The following FATE1 variants were observed in gnomAD, a reference collection of about 807,000 sequenced individuals.
The protein encoded by FATE1 is fetal and adult testis-expressed transcript protein.
Under a neutral mutation model 16.0 loss-of-function variants are expected in FATE1, and 18 were observed. The observed-to-expected ratio is 1.12, with a 90% CI of 0.78 to 1.66. The LOEUF is 1.66. Among genes scored for constraint, FATE1 ranks in the 40% most tolerant of loss-of-function variants. The probability of loss-of-function intolerance (pLI) is 0.00; values close to 1 mark genes in which losing one functional copy is unlikely to be tolerated. For missense variants in FATE1, 169 were observed against 152.7 expected (o/e 1.11, Z -0.56); for synonymous variants, 76 against 56.9 (o/e 1.34, Z -1.51).
chrX:151,722,874 G>A lies in FATE1; in HGVS notation c.*115G>A, dbSNP rs1336370246. On this transcript the variant is annotated 3_prime_UTR_variant, in exon 5 of 5. Coordinates refer to ENST00000370350, the MANE Select transcript of FATE1 (RefSeq NM_033085.3). Reference sequence around the variant, plus strand: ...TCATCTCCCAGCAGCCCTCAGGAGCGTCAGGATCATTTTCAACTCTGGTTA... The same window carrying A: ...TCATCTCCCAGCAGCCCTCAGGAGCATCAGGATCATTTTCAACTCTGGTTA... 7 of 984,271 alleles carry A rather than the reference G, an allele frequency of 7.1e-6. No individual in the cohort carries two copies. In the South Asian group the frequency reaches 1.2e-4, roughly 17 times the overall value. The allele number at this position is 984,271 out of a possible 1,213,427, so 81.1% of individuals were successfully genotyped here.
At chrX:151,716,831 C>T (rs1380542449) in intron 1 of FATE1, among the ~76,000 whole-genome samples, 2 of 111,329 alleles carry the variant, frequency 1.8e-5, no homozygotes. Flanking sequence ...CTTCAGGTCC[C>T]CACCTCAATT....
chrX:151,722,605 C>T (rs1170040471), intron 4 of FATE1, 23 bp from the exon 5 acceptor site: 3 of 1,212,017 alleles, frequency 2.5e-6, no homozygotes, highest in South Asian at 1.8e-5. Flanking sequence ...CGCTCAGCAG[C>T]CCTGCCTTTG....
rs969226774 is a variant in FATE1, at chrX:151,722,609, G to A, written c.421-19G>A. On this transcript the variant is annotated intron_variant, in intron 4 of 4. Coordinates refer to ENST00000370350, the MANE Select transcript of FATE1 (RefSeq NM_033085.3). ...GAGAAGAGCCTCGCTCAGCAGCCCT[G>A]CCTTTGACTCCTCTGCAGCTGTATG... is the stretch of plus-strand genomic sequence containing the variant. The A allele has an allele frequency of 3.3e-6, 4 of 1,212,021 alleles. No homozygotes were observed. The highest frequency in any genetic ancestry group is 4.5e-6 in the Non-Finnish European group (4 of 895,452).
chrX:151,719,352 A>T (rs755514633), intron 2 of FATE1, among the ~76,000 whole-genome samples: 2 of 112,302 alleles, frequency 1.8e-5, no homozygotes, highest in East Asian at 5.6e-4. Context: ...AATTACATGG[A>T]AATTAAAATA....
chrX:151,723,052 C>T lies in FATE1; in HGVS notation c.*293C>T. The T allele has an allele frequency of 3.5e-6, 1 of 286,316 alleles. No individual in the cohort carries two copies. The highest frequency in any genetic ancestry group is 6.1e-6 in the Non-Finnish European group (1 of 162,691). 23.6% of individuals were successfully genotyped at this position (286,316 alleles called of 1,213,427 possible). A position where few individuals can be genotyped will look rare whatever the true frequency, so the allele number is the denominator to read the frequency against. On this transcript the variant is annotated 3_prime_UTR_variant, in exon 5 of 5. Transcript: ENST00000370350. ...ACAGTAACACCTAGTGGCAACCTTG[C>T]CTTCCTGACCTCAGCGGCCCTTCTG...
At position 151,722,957 on chromosome X, in the gene FATE1, C is replaced by T; in HGVS notation, c.*198C>T. 1 of 475,563 alleles carries T rather than the reference C, an allele frequency of 2.1e-6. No individual in the cohort carries two copies. The allele number at this position is 475,563 out of a possible 1,213,427, so 39.2% of individuals were successfully genotyped here. A position where few individuals can be genotyped will look rare whatever the true frequency, so the allele number is the denominator to read the frequency against. Reference sequence around the variant, plus strand: ...CTGGGAGGTCCTGGCTGCTGCGAAGCTGGAGGAGGACTGCGTGGGCTGAGA... The same window carrying T: ...CTGGGAGGTCCTGGCTGCTGCGAAGTTGGAGGAGGACTGCGTGGGCTGAGA... On this transcript the variant is annotated 3_prime_UTR_variant, in exon 5 of 5. Coordinates refer to ENST00000370350, the MANE Select transcript of FATE1 (RefSeq NM_033085.3).
intron 2 of FATE1, 151 bp from the exon 3 acceptor site, chrX:151,721,244 C>G: frequency 2.0e-6 from 1 of 494,839 alleles, no homozygotes; most frequent in South Asian, 3.2e-5. Flanking sequence ...GGTTCCCAAG[C>G]TTTCCTAGCG....
intron 1 of FATE1, 152 bp downstream of exon 1, chrX:151,716,377 G>A: frequency 4.4e-6 from 2 of 455,224 alleles, no homozygotes; most frequent in Non-Finnish European, 7.3e-6. Flanking sequence ...GTGGGTTGAT[G>A]TAAGGGAGCT....
chrX:151,718,128 G>GGAAA (rs2015079275), intron 2 of FATE1, among the ~76,000 whole-genome samples: 1 of 69,662 alleles, frequency 1.4e-5, no homozygotes, highest in Non-Finnish European at 2.9e-5. Flanking sequence ...AAGGAAGGAA[G>GGAAA]GAAGGAAGGA....
chrX:151,720,814 C>G (rs2015108954), intron 2 of FATE1, among the ~76,000 whole-genome samples: 1 of 112,234 alleles, frequency 8.9e-6, no homozygotes, highest in South Asian at 3.8e-4. Flanking sequence ...CTCTATCCCC[C>G]ACTGATGCTT....
chrX:151,717,881 T>C (rs1368162276), intron 2 of FATE1, among the ~76,000 whole-genome samples: 2 of 108,890 alleles, frequency 1.8e-5, no homozygotes, highest in African/African-American at 3.4e-5. Context: ...AGGCCAGGAG[T>C]TCGAGAACAG....
At position 151,717,375 on chromosome X, in the gene FATE1, G is replaced by A; in HGVS notation, c.210G>A (p.Met70Ile). 8.3e-7 allele frequency: 1 copy of A among 1,205,207 alleles called. No homozygotes were observed. Among genetic ancestry groups the A allele is most frequent in the Non-Finnish European group, 1.1e-6 (1 of 891,646 alleles). The stretch of plus-strand genomic sequence containing the variant: ...CTTCAGCCAAACGAGTTTGGAATAT[G>A]ACTGCCACCCGACCCAAGAAAATGG... Reference protein sequence around the residue: ...GSASAKRVWNMTATRPKKMGS... With the variant: ...GSASAKRVWNITATRPKKMGS... The change falls in exon 2 of 5, where the codon ATG becomes ATA. Residue 70 changes from methionine to isoleucine, a missense_variant. Coordinates refer to ENST00000370350, the MANE Select transcript of FATE1 (RefSeq NM_033085.3).
At chrX:151,722,010 A>C in intron 4 of FATE1, 29 bp downstream of exon 4, 1 of 1,173,751 alleles carries the variant, frequency 8.5e-7, no homozygotes, top group Non-Finnish European at 1.2e-6. Flanking sequence ...GGTGGGTGCA[A>C]GCAGAATCAC....
At chrX:151,719,808 ATGT>A (rs2015099620) in intron 2 of FATE1, among the ~76,000 whole-genome samples, 2 of 112,073 alleles carry the variant, frequency 1.8e-5, no homozygotes, top group African/African-American at 3.2e-5. Context: ...CTTCAGTTTG[ATGT>A]TGTTACTTCG....
chrX:151,719,652 T>C (rs1294820885), intron 2 of FATE1, among the ~76,000 whole-genome samples: 1 of 112,467 alleles, frequency 8.9e-6, no homozygotes, highest in Non-Finnish European at 1.9e-5. Flanking sequence ...GAAAATAAAA[T>C]ATTGTGACCA....
At position 151,721,453 on chromosome X, in the gene FATE1, TCCAGGAGTAC is replaced by T. The variant is rs2015115003; in HGVS notation, c.294_303del (p.Gln99LeufsTer36). The T allele has an allele frequency of 8.3e-7, 1 of 1,211,083 alleles. No homozygotes were observed. The highest frequency in any genetic ancestry group is 1.7e-5 in the African/African-American group (1 of 57,517). ...GAATCAGGCCATGGGGATGCCCATC[TCCAGGAGTAC>T]GCTGGCAATTTCCAAGGCATACGTT... On this transcript the variant is annotated frameshift_variant, in exon 3 of 5. Transcript: ENST00000370350. LOFTEE classifies it high-confidence loss of function.
intron 3 of FATE1, 56 bp from the exon 4 acceptor site, chrX:151,721,847 T>G: frequency 9.1e-7 from 1 of 1,101,874 alleles, no homozygotes; most frequent in Non-Finnish European, 1.3e-6. Flanking sequence ...TGCCTTCTTG[T>G]GCTCCCTGCC....
intron 1 of FATE1, 54 bp downstream of exon 1, chrX:151,716,279 C>T: frequency 1.0e-6 from 1 of 992,521 alleles, no homozygotes; most frequent in Non-Finnish European, 1.4e-6. Context: ...AGATACGTGT[C>T]TATACCTGTG....
chrX:151,722,893 C>G lies in FATE1; in HGVS notation c.*134C>G. ...AGGAGCGTCAGGATCATTTTCAACT[C>G]TGGTTAGGCCTCCTACCTGGGGAGG... On this transcript the variant is annotated 3_prime_UTR_variant, in exon 5 of 5. Transcript: ENST00000370350. 2.3e-6 allele frequency: 2 copies of G among 856,606 alleles called. No individual in the cohort carries two copies. Among genetic ancestry groups the G allele is most frequent in the South Asian group, 2.6e-5 (1 of 37,829 alleles). The allele number at this position is 856,606 out of a possible 1,213,427, so 70.6% of individuals were successfully genotyped here. A position where few individuals can be genotyped will look rare whatever the true frequency, so the allele number is the denominator to read the frequency against.
Sources: gnomAD v4.1 joint callset for allele counts (sites outside exome capture counted in the v4.1 genomes callset) on GRCh38, gnomAD v4.1.1 for gene constraint, MANE v1.5 for transcripts, NCBI Gene and HGNC (gene_info 2026-07-23, HGNC 2026-07-21) for gene names.